Variants in RBFOX1 observed in about 807,000 individuals in gnomAD.
RBFOX1 encodes RNA binding fox-1 homolog 1, also known as RNA binding protein fox-1 homolog 1.
In RBFOX1, 8 loss-of-function variants were observed where a neutral mutation model predicts 57.7. That is an observed-to-expected ratio of 0.14 (90% CI 0.08 to 0.25). RBFOX1 has a LOEUF of 0.25. RBFOX1 is among the 10% of genes least tolerant of loss of function. RBFOX1 has a pLI of 1.00. For missense variants in RBFOX1, 611 were observed against 548.5 expected, an observed-to-expected ratio of 1.11 and a Z score of -1.14; for synonymous variants, 326 against 222.4, an observed-to-expected ratio of 1.47 and a Z score of -4.15.
chr16:6,415,710 A>G (rs1369352268), intron 2 of RBFOX1, among the ~76,000 whole-genome samples: 2 of 152,174 alleles, frequency 1.3e-5, no homozygotes, highest in African/African-American at 4.8e-5. Context: ...CAAACAAAAA[A>G]CAAAACAAAC....
chr16:6,567,564 T>G (rs2097284684), intron 2 of RBFOX1, among the ~76,000 whole-genome samples: 1 of 152,198 alleles, frequency 6.6e-6, no homozygotes, highest in Non-Finnish European at 1.5e-5. Flanking sequence ...TTGTGTTTCT[T>G]ATGTGTCTGC....
Position 6,097,464 on chromosome 16 carries a change from C to G in RBFOX1, c.-127+77472C>G, listed in dbSNP as rs1044095730. Among the ~76,000 whole-genome samples, 2 of 152,172 alleles carry G rather than the reference C, an allele frequency of 1.3e-5. No individual in the cohort carries two copies. The highest frequency in any genetic ancestry group is 4.8e-5 in the African/African-American group (2 of 41,432). On this transcript the variant is annotated intron_variant, in intron 1 of 15. Transcript: ENST00000550418. The surrounding 1 kb of genome is among the most constrained non-coding windows in gnomAD (Gnocchi z 5.0). ...GAGATGCAGATTCTTGGTGCCCATC[C>G]AAACCTACAGAAGCAGAATCTCTGG...
chr16:7,411,030 C>T (rs2098419488), intron 4 of RBFOX1, among the ~76,000 whole-genome samples: 1 of 152,158 alleles, frequency 6.6e-6, no homozygotes, highest in Non-Finnish European at 1.5e-5. Context: ...ACTGCACCCT[C>T]TGCCTCTTGA....
intron 2 of RBFOX1, among the ~76,000 whole-genome samples, chr16:6,367,002 GTC>G (rs2089728510): frequency 6.6e-6 from 1 of 152,088 alleles, no homozygotes; most frequent in African/African-American, 2.4e-5. Context: ...TGAAATCCTT[GTC>G]TTCCTTATGC....
At chr16:7,068,193 C>G (rs891488138) in intron 4 of RBFOX1, among the ~76,000 whole-genome samples, 1 of 152,064 alleles carries the variant, frequency 6.6e-6, no homozygotes, top group African/African-American at 2.4e-5. Context: ...ATCCTGTTTG[C>G]CATGTACCAT....
At chr16:5,261,821 A>G (rs2062741322) in intron 1 of RBFOX1, among the ~76,000 whole-genome samples, 1 of 152,142 alleles carries the variant, frequency 6.6e-6, no homozygotes, top group Admixed American at 6.5e-5. Flanking sequence ...AAATGCTGGG[A>G]TTACAGGTGT....
chr16:6,332,815 A>G (rs1452625018), intron 2 of RBFOX1, among the ~76,000 whole-genome samples: 1 of 152,318 alleles, frequency 6.6e-6, no homozygotes, highest in Non-Finnish European at 1.5e-5. Flanking sequence ...GTGGACTAGA[A>G]GGGTAGATGA....
rs544091487 is a variant in RBFOX1 at position 5,679,690 on chromosome 16, G to A, written c.318+80729G>A. Among the ~76,000 whole-genome samples, 77 of 152,214 alleles carry A rather than the reference G, an allele frequency of 5.1e-4. 1 individual carries two copies. Among genetic ancestry groups the A allele is most frequent in the Admixed American group, 1.5e-3 (23 of 15,286 alleles). On this transcript the variant is annotated intron_variant, in intron 3 of 19. Transcript: ENST00000641259. The stretch of plus-strand genomic sequence containing the variant: ...AAGTCCTCTACCCAATTATTACCTG[G>A]TAATGAACTTTTTAGTATGGTGATT...
At chr16:6,891,052 G>C (rs1436831873) in intron 3 of RBFOX1, among the ~76,000 whole-genome samples, 1 of 152,072 alleles carries the variant, frequency 6.6e-6, no homozygotes, top group African/African-American at 2.4e-5. Flanking sequence ...TCCCCTTCAT[G>C]TTCCCCGTCC....
chr16:5,283,856 G>C (rs1476901576), intron 1 of RBFOX1, among the ~76,000 whole-genome samples: 1 of 151,990 alleles, frequency 6.6e-6, no homozygotes, highest in African/African-American at 2.4e-5. Context: ...ACTTAGTTAA[G>C]ACTTTGGGGG....
chr16:7,074,290 G>C (rs1421916847), intron 4 of RBFOX1, among the ~76,000 whole-genome samples: 1 of 152,184 alleles, frequency 6.6e-6, no homozygotes, highest in Non-Finnish European at 1.5e-5. Context: ...GGAAGTCTCA[G>C]AAATCGAATG....
rs372194223 is a variant in RBFOX1, at chr16:5,912,593, T to G, written c.351+45258T>G. 5.9e-5 allele frequency among the ~76,000 whole-genome samples: 9 copies of G among 152,336 alleles called. No individual in the cohort carries two copies. In the East Asian group the frequency reaches 1.5e-3, roughly 26 times the overall value. On this transcript the variant is annotated intron_variant, in intron 4 of 19. Coordinates refer to the RBFOX1 transcript ENST00000641259. ...TGACCTCTTGTTTTTACACAAGAAC[T>G]TGGTAGGCATCTGGCAAAACACCAG...
chr16:6,681,797 G>C (rs1226552183), intron 3 of RBFOX1, among the ~76,000 whole-genome samples: 1 of 152,104 alleles, frequency 6.6e-6, no homozygotes, highest in Non-Finnish European at 1.5e-5. Flanking sequence ...GTAATGTGGA[G>C]ATAATAGCTA....
chr16:5,937,126 T>C (rs1240160488), intron 4 of RBFOX1, among the ~76,000 whole-genome samples: 1 of 152,200 alleles, frequency 6.6e-6, no homozygotes, highest in Non-Finnish European at 1.5e-5. Flanking sequence ...AAGGCCAAAA[T>C]GTTGCCTGGA....
intron 3 of RBFOX1, among the ~76,000 whole-genome samples, chr16:6,715,706 C>T (rs1265892630): frequency 1.3e-5 from 2 of 152,128 alleles, no homozygotes; most frequent in African/African-American, 4.8e-5. Context: ...CCCAGAAATG[C>T]CTGGTTTGTT....
At chr16:5,416,356 C>T (rs1160579599) in intron 1 of RBFOX1, among the ~76,000 whole-genome samples, 1 of 152,184 alleles carries the variant, frequency 6.6e-6, no homozygotes, top group African/African-American at 2.4e-5. Context: ...TATAGTTAAT[C>T]ATTAGCTGTA....
intron 3 of RBFOX1, among the ~76,000 whole-genome samples, chr16:5,682,152 T>C (rs1317239758): frequency 6.6e-6 from 1 of 152,178 alleles, no homozygotes; most frequent in Non-Finnish European, 1.5e-5. Context: ...CACCAAAAGC[T>C]ATTAATGTAA....
intron 2 of RBFOX1, among the ~76,000 whole-genome samples, chr16:6,612,680 C>A (rs1408943463): frequency 6.6e-6 from 1 of 151,748 alleles, no homozygotes; most frequent in Non-Finnish European, 1.5e-5. Flanking sequence ...GACAAAACCC[C>A]TCCTCTACTA....
intron 1 of RBFOX1, among the ~76,000 whole-genome samples, chr16:5,315,852 G>A (rs974653517): frequency 6.6e-6 from 1 of 152,094 alleles, no homozygotes; most frequent in Admixed American, 6.5e-5. Flanking sequence ...ATTGTCTAGA[G>A]CCTGTAGACG....
Sources: allele counts gnomAD v4.1 joint callset (sites outside exome capture counted in the v4.1 genomes callset), GRCh38; gene constraint gnomAD v4.1.1; non-coding constraint Gnocchi (gnomAD v3.1); transcripts MANE v1.5; gene names NCBI Gene and HGNC (gene_info 2026-07-23, HGNC 2026-07-21).